Variants in PKHD1 observed in about 807,000 individuals in gnomAD.
The protein encoded by PKHD1 is PKHD1 ciliary IPT domain containing fibrocystin/polyductin, also known as fibrocystin.
In PKHD1, 291 loss-of-function variants were observed where a neutral mutation model predicts 412.0. The ratio of observed to expected loss-of-function variants is 0.71; its 90% CI spans 0.64 to 0.78. The LOEUF is 0.78. Among genes scored for constraint, PKHD1 ranks in the 30% least tolerant of loss-of-function variants. The probability of loss-of-function intolerance (pLI) is 0.00; values close to 1 mark genes in which losing one functional copy is unlikely to be tolerated. For missense variants in PKHD1, 4,825 were observed against 4,950.7 expected (o/e 0.97, Z 0.76); for synonymous variants, 1,777 against 1,821.5 (o/e 0.98, Z 0.62).
chr6:51,930,612 G>A (rs1026376127), intron 37 of PKHD1, among the ~76,000 whole-genome samples: 15 of 152,288 alleles, frequency 9.8e-5, no homozygotes, highest in East Asian at 9.7e-4. Context: ...GAAAGTGATC[G>A]GACTGACATG....
chr6:51,952,400 C>T (rs1374626714), intron 36 of PKHD1, among the ~76,000 whole-genome samples: 1 of 152,108 alleles, frequency 6.6e-6, no homozygotes, highest in Admixed American at 6.6e-5. Flanking sequence ...CATTTATTAG[C>T]TTATTCATTC....
At position 51,659,129 on chromosome 6, in the gene PKHD1, A is replaced by C; in HGVS notation, c.10997T>G (p.Ile3666Ser). The change falls in exon 61 of 67, where the codon ATT (isoleucine) becomes AGT (serine). Residue 3666 changes from isoleucine to serine, a missense_variant. Coordinates refer to ENST00000371117, the MANE Select transcript of PKHD1 (RefSeq NM_138694.4). Reference protein sequence around the residue: ...ETISKVIVIEIGDSPTVRSTG... With the variant: ...ETISKVIVIESGDSPTVRSTG... ...GCTCCTTACTGTTGGCGAATCACCA[A>C]TTTCAATGACAATCACTTTTGAGAT... The C allele has an allele frequency of 6.2e-7, 1 of 1,613,828 alleles. No homozygotes were observed. The highest frequency in any genetic ancestry group is 1.3e-5 in the African/African-American group (1 of 75,006).
chr6:52,066,786 G>A (rs1809782580), intron 11 of PKHD1, among the ~76,000 whole-genome samples: 1 of 152,126 alleles, frequency 6.6e-6, no homozygotes, highest in Non-Finnish European at 1.5e-5. Context: ...TGTAATCCCA[G>A]CTGCTTGGGA....
rs369173030 is a variant in PKHD1, at chr6:51,915,082, G to C, written c.6122-2506C>G. Among the ~76,000 whole-genome samples the C allele has an allele frequency of 6.9e-4, 105 of 152,138 alleles. 1 individual carries two copies. Among genetic ancestry groups the C allele is most frequent in the African/African-American group, 2.4e-3 (101 of 41,526 alleles). On this transcript the variant is annotated intron_variant, in intron 37 of 66. Transcript: ENST00000371117. ...GTGTGGGGGAGGAAGTTTGCACAAAGAAACAGATGAGAGAAAAGAAGATGA... is the reference window on the plus strand; with the variant it reads ...GTGTGGGGGAGGAAGTTTGCACAAACAAACAGATGAGAGAAAAGAAGATGA...
chr6:51,644,207 A>G (rs1769773042), intron 63 of PKHD1, among the ~76,000 whole-genome samples: 1 of 152,196 alleles, frequency 6.6e-6, no homozygotes. Flanking sequence ...TGACATTAAA[A>G]AAAAACTGAG....
chr6:51,732,300 A>C (rs1457655687), intron 60 of PKHD1, among the ~76,000 whole-genome samples: 1 of 152,176 alleles, frequency 6.6e-6, no homozygotes, highest in Non-Finnish European at 1.5e-5. Context: ...CCTTCATAAA[A>C]ATATCAAAAA....
rs9395751 is a variant in PKHD1 at position 51,951,638 on chromosome 6, A to C, written c.5908+8232T>G. 3.1e-3 allele frequency among the ~76,000 whole-genome samples: 468 copies of C among 152,346 alleles called. 21 individuals carry two copies. The East Asian group carries it at 0.082, about 27-fold the overall frequency. Reference sequence around the variant, plus strand: ...TTATTAATTTTAAAAATGAGAATACAGTACTTCCTACCTTTACCTGACCCC... The same window carrying C: ...TTATTAATTTTAAAAATGAGAATACCGTACTTCCTACCTTTACCTGACCCC... On this transcript the variant is annotated intron_variant, in intron 36 of 66. Coordinates refer to ENST00000371117, the MANE Select transcript of PKHD1 (RefSeq NM_138694.4).
In PKHD1 at chr6:52,057,762, G is replaced by A. The variant is rs184863981; in HGVS notation, c.1512+561C>T. Among the ~76,000 whole-genome samples the A allele has an allele frequency of 3.8e-3, 577 of 151,994 alleles. 6 individuals are homozygous for A. Among genetic ancestry groups the A allele is most frequent in the Middle Eastern group, 0.01 (3 of 294 alleles). On this transcript the variant is annotated intron_variant, in intron 16 of 66. Transcript: ENST00000371117. ...TTGTTACTTTCTACTTTGTTCTATG[G>A]TTATTTGTGCACATGTTTTACTTTT...
intron 60 of PKHD1, among the ~76,000 whole-genome samples, chr6:51,739,127 A>G (rs1784237947): frequency 6.8e-6 from 1 of 147,786 alleles, no homozygotes; most frequent in Non-Finnish European, 1.5e-5. Flanking sequence ...TTTTTTACAT[A>G]TATATAAAAT....
rs751253031 is a variant in PKHD1 at position 52,025,754 on chromosome 6, G to A, written c.4056C>T (p.Cys1352=). Residue 1352 remains cysteine (C), a synonymous_variant, in exon 32 of 67, where the codon TGC becomes TGT. Transcript: ENST00000371117. ...SFQGNVSLSG[C]SIPLHSLEAG... ...CCTCCAGACTGTGAAGAGGGATGGA[G>A]CATCCAGACAGGCTCACGTTGCCCT... 1 of 1,614,190 alleles carries A rather than the reference G, an allele frequency of 6.2e-7. No homozygotes were observed. Among genetic ancestry groups the A allele is most frequent in the Non-Finnish European group, 8.5e-7 (1 of 1,180,018 alleles).
rs374333851 is a variant in PKHD1 at position 52,072,492 on chromosome 6, T to TC, written c.528-304dup. ...GATAATATTGCATTTATGCCTTTATTCCCCCTTTCAAAGGCTGTATCCCAG... is the reference window on the plus strand; with the variant it reads ...GATAATATTGCATTTATGCCTTTATTCCCCCCTTTCAAAGGCTGTATCCCAG... On this transcript the variant is annotated intron_variant, in intron 7 of 66. Transcript: ENST00000371117. 9.1e-4 allele frequency among the ~76,000 whole-genome samples: 138 copies of TC among 152,242 alleles called. 1 individual carries two copies. Among genetic ancestry groups the TC allele is most frequent in the African/African-American group, 3.1e-3 (128 of 41,546 alleles).
At chr6:52,053,717 A>G (rs1381853519) in intron 20 of PKHD1, among the ~76,000 whole-genome samples, 1 of 152,200 alleles carries the variant, frequency 6.6e-6, no homozygotes, top group Admixed American at 6.5e-5. Flanking sequence ...ATGAATTTTG[A>G]TGAATCACAA....
intron 35 of PKHD1, among the ~76,000 whole-genome samples, chr6:51,965,058 CA>C (rs1453142565): frequency 6.6e-6 from 1 of 152,080 alleles, no homozygotes; most frequent in East Asian, 1.9e-4. Flanking sequence ...GCTATTTTAA[CA>C]GTTGAATTAT....
At chr6:51,628,476 G>T (rs570319623) in intron 65 of PKHD1, among the ~76,000 whole-genome samples, 8 of 152,088 alleles carry the variant, frequency 5.3e-5, no homozygotes, top group Non-Finnish European at 1.2e-4. Flanking sequence ...CCAGTACACT[G>T]TTGATGAGCA....
chr6:51,922,948 C>T (rs1784929833), intron 37 of PKHD1, among the ~76,000 whole-genome samples: 1 of 152,166 alleles, frequency 6.6e-6, no homozygotes, highest in African/African-American at 2.4e-5. Flanking sequence ...GGGCTGCATC[C>T]ACTGTCCAAC....
chr6:51,672,687 G>C (rs1320402527), intron 60 of PKHD1, among the ~76,000 whole-genome samples: 1 of 152,198 alleles, frequency 6.6e-6, no homozygotes, highest in Non-Finnish European at 1.5e-5. Flanking sequence ...AGGTATTAAA[G>C]TTATATACAA....
chr6:52,027,868 C>A lies in PKHD1; in HGVS notation c.3589G>T (p.Glu1197Ter). 1 of 1,613,634 alleles carries A rather than the reference C, an allele frequency of 6.2e-7. No homozygotes were observed. The highest frequency in any genetic ancestry group is 8.5e-7 in the Non-Finnish European group (1 of 1,179,540). ...CAGCAAGGCTCGATGCTGAAAACTT[C>A]TGTGAGGTACTGGATGTGGAGATCA... ...GVDLHIQYLTEVFSIEPCCGS... is the reference protein window; with the variant it reads ...GVDLHIQYLT The change falls in exon 31 of 67, where the codon GAA becomes TAA. Residue 1197 changes from glutamate (E) to a stop codon, truncating the protein, a stop_gained. Transcript: ENST00000371117. LOFTEE classifies it high-confidence loss of function.
intron 65 of PKHD1, among the ~76,000 whole-genome samples, chr6:51,630,571 A>G (rs1767804289): frequency 6.6e-6 from 1 of 152,212 alleles, no homozygotes; most frequent in African/African-American, 2.4e-5. Flanking sequence ...TAGAACCCAC[A>G]TAGACAAAAG....
At chr6:52,050,077 GAAAAAAGTCA>G in intron 22 of PKHD1, 70 bp downstream of exon 22, 1 of 1,419,320 alleles carries the variant, frequency 7.0e-7, no homozygotes, top group Non-Finnish European at 9.9e-7. Context: ...AGCTTTTCCT[GAAAAAAGTCA>G]CACCTGTGTC....
Sources: gnomAD v4.1 joint callset for allele counts (sites outside exome capture counted in the v4.1 genomes callset) on GRCh38, gnomAD v4.1.1 for gene constraint, MANE v1.5 for transcripts, NCBI Gene and HGNC (gene_info 2026-07-23, HGNC 2026-07-21) for gene names.